The following PDE10A variants were observed in gnomAD, a reference collection of about 807,000 sequenced individuals.
PDE10A encodes phosphodiesterase 10A, also known as cAMP and cAMP-inhibited cGMP 3',5'-cyclic phosphodiesterase 10A.
Under a neutral mutation model 97.7 loss-of-function variants are expected in PDE10A, and 39 were observed. The observed-to-expected ratio is 0.40, with a 90% confidence interval of 0.31 to 0.52. The LOEUF is 0.52. Ranked by LOEUF, PDE10A falls within the 20% of genes least tolerant of loss-of-function variation. The pLI is 0.56. For synonymous variants in PDE10A, 371 were observed against 376.8 expected, an observed-to-expected ratio of 0.98 and a Z score of 0.18; for missense variants, 731 against 1,047.8, an observed-to-expected ratio of 0.70 and a Z score of 4.17.
chr6:165,522,732 C>T (rs542430521), intron 2 of PDE10A, among the ~76,000 whole-genome samples: 26 of 151,994 alleles, frequency 1.7e-4, no homozygotes, highest in Non-Finnish European at 3.4e-4. Context: ...AATGTCCACT[C>T]TTATCACTCT....
chr6:165,868,866 T>C (rs1463130185), intron 1 of PDE10A, among the ~76,000 whole-genome samples: 1 of 73,378 alleles, frequency 1.4e-5, no homozygotes, highest in Non-Finnish European at 2.6e-5. Flanking sequence ...TGGTTCAACA[T>C]AAACAAATCA....
intron 1 of PDE10A, among the ~76,000 whole-genome samples, chr6:165,612,667 C>A (rs866504175): frequency 6.6e-6 from 1 of 152,170 alleles, no homozygotes; most frequent in Non-Finnish European, 1.5e-5. Flanking sequence ...CTGCGCCCAG[C>A]CATATTTTTG....
intron 1 of PDE10A, among the ~76,000 whole-genome samples, chr6:165,613,300 C>T (rs772899723): frequency 2.6e-5 from 4 of 151,972 alleles, no homozygotes; most frequent in Admixed American, 6.6e-5. Flanking sequence ...CAAGAAATTG[C>T]CTGTTTGGGG....
At chr6:165,965,763 C>A (rs1784492759) in intron 1 of PDE10A, among the ~76,000 whole-genome samples, 1 of 152,194 alleles carries the variant, frequency 6.6e-6, no homozygotes, top group African/African-American at 2.4e-5. Flanking sequence ...GAGCCATGTG[C>A]TGACTTTTCA....
At chr6:165,613,238 T>C (rs1261482407) in intron 1 of PDE10A, among the ~76,000 whole-genome samples, 1 of 152,234 alleles carries the variant, frequency 6.6e-6, no homozygotes, top group South Asian at 2.1e-4. Context: ...GTTTTTTTAA[T>C]GTATCACATT....
chr6:165,981,775 T>C (rs1022515096), intron 1 of PDE10A, among the ~76,000 whole-genome samples: 1 of 152,252 alleles, frequency 6.6e-6, no homozygotes, highest in Admixed American at 6.5e-5. Flanking sequence ...GTCTTTAACA[T>C]TGATTTCCTC....
At chr6:165,887,763 A>G (rs9365932) in intron 1 of PDE10A, among the ~76,000 whole-genome samples, 38,064 of 152,152 alleles carry the variant, frequency 0.25, 5,621 homozygotes, top group African/African-American at 0.41. Context: ...ACAAGCCAGC[A>G]TTAAAGTTCA....
At position 165,450,352 on chromosome 6, in the gene PDE10A, G is replaced by A. The variant is rs373852059; in HGVS notation, c.1034C>T (p.Thr345Met). 1.4e-5 allele frequency: 21 copies of A among 1,528,292 alleles called. No homozygotes were observed. The highest frequency in any genetic ancestry group is 3.7e-5 in the Admixed American group (2 of 54,234). The allele number at this position is 1,528,292 out of a possible 1,614,324, so 94.7% of individuals were successfully genotyped here. A position where few individuals can be genotyped will look rare whatever the true frequency, so the allele number is the denominator to read the frequency against. The stretch of plus-strand genomic sequence containing the variant: ...TTCATATACAACTCCCTGCATATTC[G>A]TATCTTGGTACTTTGGATTAAAAAT... ...APKEVSRYQDTNMQGVVYELN... is the reference protein window; with the variant it reads ...APKEVSRYQDMNMQGVVYELN... Residue 345 changes from threonine (T) to methionine (M), a missense_variant, in exon 4 of 22, where the codon ACG becomes ATG. Thr to Met is a moderately conservative substitution (Grantham distance 81). This residue lies in a region of PDE10A where 181 missense variants were observed against 159.1 expected (regional missense o/e 1.14). Transcript: ENST00000539869.
intron 1 of PDE10A, among the ~76,000 whole-genome samples, chr6:165,551,416 T>C (rs1227030949): frequency 6.6e-6 from 1 of 152,254 alleles, no homozygotes; most frequent in Non-Finnish European, 1.5e-5. Context: ...GCATATAAGA[T>C]ACTATGTTAT....
chr6:165,705,614 C>G (rs1054684409), intron 1 of PDE10A, among the ~76,000 whole-genome samples: 4 of 152,086 alleles, frequency 2.6e-5, no homozygotes, highest in African/African-American at 9.7e-5. Context: ...ATATAATTGA[C>G]AATAAATCAA....
At chr6:165,949,471 T>C (rs1783883724) in intron 1 of PDE10A, 1 of 150,032 alleles carries the variant, frequency 6.7e-6, no homozygotes, top group Admixed American at 6.7e-5. Context: ...TGCCACAAAC[T>C]GGTGCAACAC....
At chr6:165,353,327 T>C (rs1343345356) in intron 18 of PDE10A, among the ~76,000 whole-genome samples, 1 of 152,200 alleles carries the variant, frequency 6.6e-6, no homozygotes. Flanking sequence ...AAGTATTTCA[T>C]ACAGTATGTC....
intron 1 of PDE10A, among the ~76,000 whole-genome samples, chr6:165,802,134 G>A (rs1313019638): frequency 6.6e-6 from 1 of 152,196 alleles, no homozygotes; most frequent in Non-Finnish European, 1.5e-5. Context: ...TGAGGCTTGG[G>A]TTGAGTGTCT....
At chr6:165,697,301 C>T (rs1791464982) in intron 1 of PDE10A, among the ~76,000 whole-genome samples, 1 of 152,130 alleles carries the variant, frequency 6.6e-6, no homozygotes, top group African/African-American at 2.4e-5. Flanking sequence ...AAAGGAACAG[C>T]TGACTTCCCA....
At chr6:165,429,861 C>G (rs1259851202) in intron 9 of PDE10A, among the ~76,000 whole-genome samples, 2 of 151,196 alleles carry the variant, frequency 1.3e-5, no homozygotes, top group African/African-American at 4.9e-5. Context: ...AACTGAGATA[C>G]TATACATGGG....
At chr6:165,601,447 T>C (rs1241252408) in intron 1 of PDE10A, among the ~76,000 whole-genome samples, 1 of 152,224 alleles carries the variant, frequency 6.6e-6, no homozygotes, top group African/African-American at 2.4e-5. Context: ...TACTATGCCG[T>C]GTTTTATGTG....
At chr6:165,900,197 C>T (rs556359631) in intron 1 of PDE10A, among the ~76,000 whole-genome samples, 5 of 152,268 alleles carry the variant, frequency 3.3e-5, no homozygotes, top group South Asian at 4.2e-4. Flanking sequence ...CTGGGCGGGG[C>T]GCAGTGGCTC....
intron 18 of PDE10A, among the ~76,000 whole-genome samples, chr6:165,363,930 G>A (rs181362388): frequency 4.7e-4 from 72 of 152,162 alleles, no homozygotes; most frequent in Non-Finnish European, 7.8e-4. Flanking sequence ...TTGTTAAGAC[G>A]GCAATACTTC....
chr6:165,953,891 T>A (rs1486034579), intron 1 of PDE10A, among the ~76,000 whole-genome samples: 6 of 152,194 alleles, frequency 3.9e-5, no homozygotes, highest in Non-Finnish European at 2.9e-5. Context: ...TGCATTGTCC[T>A]CAAATTCCCC....
Sources: gnomAD v4.1 joint callset for allele counts (sites outside exome capture counted in the v4.1 genomes callset) on GRCh38, gnomAD v4.1.1 for gene constraint, gnomAD v4.1.1 regional missense constraint, MANE v1.5 for transcripts, NCBI Gene and HGNC (gene_info 2026-07-23, HGNC 2026-07-21) for gene names.